DCC: variants seen among roughly 807,000 people sequenced by gnomAD.
DCC encodes netrin receptor DCC.
DCC carries 58 observed loss-of-function variants against 172.5 expected under a neutral mutation model. The ratio of observed to expected loss-of-function variants is 0.34; its 90% CI spans 0.27 to 0.42. The LOEUF is 0.42. Among genes scored for constraint, DCC ranks in the 10% least tolerant of loss-of-function variants. The pLI, the probability that DCC is intolerant of heterozygous loss-of-function variation, is 1.00. For synonymous variants in DCC, 709 were observed against 644.5 expected (o/e 1.10, Z -1.52); for missense variants, 1,740 against 1,791.0 (o/e 0.97, Z 0.51).
intron 21 of DCC, among the ~76,000 whole-genome samples, chr18:53,428,374 T>A (rs868838692): frequency 0.21 from 10,035 of 48,558 alleles, 1,768 homozygotes; most frequent in Non-Finnish European, 0.31. Context: ...AATATAATAT[T>A]ATAATATATT....
chr18:53,282,241 G>A (rs1303783989), intron 12 of DCC, among the ~76,000 whole-genome samples: 1 of 152,258 alleles, frequency 6.6e-6, no homozygotes, highest in East Asian at 1.9e-4. Context: ...TCCGTGGTTA[G>A]TAAATAGCTG....
At chr18:53,462,050 G>A (rs778444994) in intron 24 of DCC, among the ~76,000 whole-genome samples, 9 of 152,206 alleles carry the variant, frequency 5.9e-5, no homozygotes, top group Non-Finnish European at 1.2e-4. Flanking sequence ...AGTGAAGAGG[G>A]AGGGGAGGTG....
At chr18:52,479,629 C>T (rs1008788984) in intron 1 of DCC, among the ~76,000 whole-genome samples, 3 of 137,726 alleles carry the variant, frequency 2.2e-5, no homozygotes, top group African/African-American at 8.1e-5. Flanking sequence ...TCAAGTGGTA[C>T]TCTCTTCCTT....
At chr18:52,459,070 G>A (rs1335016281) in intron 1 of DCC, among the ~76,000 whole-genome samples, 2 of 151,444 alleles carry the variant, frequency 1.3e-5, no homozygotes, top group African/African-American at 4.9e-5. Flanking sequence ...TTTGCCCTAT[G>A]GGTACAAAAG....
chr18:52,999,894 G>T (rs1310183910), intron 5 of DCC, among the ~76,000 whole-genome samples: 1 of 152,002 alleles, frequency 6.6e-6, no homozygotes, highest in African/African-American at 2.4e-5. Flanking sequence ...GGTAATACTG[G>T]AGTAGGATAG....
intron 14 of DCC, among the ~76,000 whole-genome samples, chr18:53,323,110 A>C (rs1383464539): frequency 6.6e-6 from 1 of 152,156 alleles, no homozygotes; most frequent in Non-Finnish European, 1.5e-5. Flanking sequence ...GTAAAAATTG[A>C]GAGTAAAAAC....
chr18:53,419,891 T>A (rs528123495), intron 21 of DCC, among the ~76,000 whole-genome samples: 2 of 152,136 alleles, frequency 1.3e-5, no homozygotes, highest in Non-Finnish European at 2.9e-5. Flanking sequence ...TCTCACTCTA[T>A]TACCCAGGCT....
At chr18:52,419,750 T>A (rs1987181729) in intron 1 of DCC, 1 of 152,162 alleles carries the variant, frequency 6.6e-6, no homozygotes, top group African/African-American at 2.4e-5. Flanking sequence ...CTTGTCCACT[T>A]ATTGTTATTT....
chr18:52,774,119 G>T (rs961370691), intron 2 of DCC, among the ~76,000 whole-genome samples: 1 of 152,216 alleles, frequency 6.6e-6, no homozygotes, highest in Non-Finnish European at 1.5e-5. Flanking sequence ...CTGTCAGAAA[G>T]TGTGGTCCCT....
intron 21 of DCC, among the ~76,000 whole-genome samples, chr18:53,430,619 C>A (rs1167843291): frequency 6.6e-6 from 1 of 151,994 alleles, no homozygotes; most frequent in Non-Finnish European, 1.5e-5. Flanking sequence ...TATACGTACA[C>A]CACAATAAAA....
At chr18:52,591,490 T>A (rs1177371232) in intron 1 of DCC, among the ~76,000 whole-genome samples, 1 of 152,140 alleles carries the variant, frequency 6.6e-6, no homozygotes, top group African/African-American at 2.4e-5. Flanking sequence ...AAGTGTGAGG[T>A]CATTGTTTAT....
chr18:53,445,691 AT>A (rs1277127092), intron 22 of DCC, among the ~76,000 whole-genome samples: 2 of 152,190 alleles, frequency 1.3e-5, no homozygotes, highest in African/African-American at 4.8e-5. Context: ...ATTTTTTAAT[AT>A]TTAATAAGTC....
chr18:53,089,422 A>T (rs1291619688), intron 7 of DCC, among the ~76,000 whole-genome samples: 1 of 151,924 alleles, frequency 6.6e-6, no homozygotes, highest in Admixed American at 6.6e-5. Flanking sequence ...TTCCTCTTTC[A>T]TGCCTTGTGT....
chr18:53,266,589 GTGT>G (rs2056677917), intron 12 of DCC, among the ~76,000 whole-genome samples: 1 of 151,952 alleles, frequency 6.6e-6, no homozygotes, highest in Non-Finnish European at 1.5e-5. Context: ...CTCTTTTAAT[GTGT>G]GCAGTTCATG....
chr18:52,959,539 C>CATTGTATTCAATAAGTAGTTTTTCA (rs539903997), intron 5 of DCC, among the ~76,000 whole-genome samples: 2,035 of 152,094 alleles, frequency 0.013, 59 homozygotes, highest in African/African-American at 0.047. Flanking sequence ...GATAGTGTGA[C>CATTGTATTCAATAAGTAGTTTTTCA]GGGTTTGCTC....
intron 17 of DCC, among the ~76,000 whole-genome samples, chr18:53,394,263 A>G (rs1908769690): frequency 6.6e-6 from 1 of 152,178 alleles, no homozygotes; most frequent in Non-Finnish European, 1.5e-5. Context: ...TTACTGTAAA[A>G]ACAATGAGAT....
chr18:52,676,576 G>A (rs1051051652), intron 1 of DCC, among the ~76,000 whole-genome samples: 4 of 152,100 alleles, frequency 2.6e-5, no homozygotes, highest in African/African-American at 7.2e-5. Flanking sequence ...TTGAGGCCAC[G>A]ACTTGGGAAA....
intron 13 of DCC, among the ~76,000 whole-genome samples, chr18:53,319,734 C>CA (rs2057386068): frequency 6.6e-6 from 1 of 152,250 alleles, no homozygotes; most frequent in Non-Finnish European, 1.5e-5. Flanking sequence ...GCTAAGTCCA[C>CA]AGCCATGGCA....
intron 5 of DCC, among the ~76,000 whole-genome samples, chr18:52,939,321 T>C (rs2145519215): frequency 6.6e-6 from 1 of 152,320 alleles, no homozygotes; most frequent in African/African-American, 2.4e-5. Context: ...TCCTTGTCCA[T>C]TCTGATTAAG....
Sources: gnomAD v4.1 joint callset for allele counts (sites outside exome capture counted in the v4.1 genomes callset) on GRCh38, gnomAD v4.1.1 for gene constraint, MANE v1.5 for transcripts, NCBI Gene and HGNC (gene_info 2026-07-23, HGNC 2026-07-21) for gene names.